The following RSRC1 variants were observed in gnomAD, a reference collection of about 807,000 sequenced individuals.
The protein encoded by RSRC1 is serine/Arginine-related protein 53.
In RSRC1, 39 loss-of-function variants were observed where a neutral mutation model predicts 49.1. That is an observed-to-expected ratio of 0.79 (90% CI 0.61 to 1.04). The LOEUF (loss-of-function observed/expected upper bound fraction) is 1.04, where lower values mean the gene tolerates loss of function less well. Among genes scored for constraint, RSRC1 ranks in the 50% least tolerant of loss-of-function variants. The probability of loss-of-function intolerance (pLI) is 0.00; values close to 1 mark genes in which losing one functional copy is unlikely to be tolerated. For synonymous variants in RSRC1, 143 were observed against 130.8 expected (o/e 1.09, Z -0.63); for missense variants, 388 against 402.4 (o/e 0.96, Z 0.31).
At chr3:158,513,987 C>T (rs570445427) in intron 7 of RSRC1, among the ~76,000 whole-genome samples, 25 of 152,026 alleles carry the variant, frequency 1.6e-4, no homozygotes, top group South Asian at 4.2e-4. Context: ...TTTTTTATTG[C>T]GTCTATTTGA....
In RSRC1 at chr3:158,522,596, G is replaced by A. The variant is rs150475084; in HGVS notation, c.653-14496G>A. 5.3e-4 allele frequency among the ~76,000 whole-genome samples: 80 copies of A among 152,236 alleles called. No homozygotes were observed. In the East Asian group the frequency reaches 7.7e-3, roughly 15 times the overall value. On this transcript the variant is annotated intron_variant, in intron 7 of 9. Transcript: ENST00000611884. ...GAGGATAAAGTAGCGTCAAAATGACGACCAAATGGAAAGGAGATTATAATT... is the reference window on the plus strand; with the variant it reads ...GAGGATAAAGTAGCGTCAAAATGACAACCAAATGGAAAGGAGATTATAATT...
At chr3:158,328,959 C>G (rs1729369558) in intron 5 of RSRC1, among the ~76,000 whole-genome samples, 1 of 152,158 alleles carries the variant, frequency 6.6e-6, no homozygotes, top group Non-Finnish European at 1.5e-5. Flanking sequence ...TTTCTCTAAG[C>G]TTCTCTTCTC....
At position 158,518,331 on chromosome 3, in the gene RSRC1, A is replaced by T. The variant is rs530721016; in HGVS notation, c.653-18761A>T. ...AAATTATTTTTTCCTTGAACGTTTG[A>T]TAGAACTTTTCTGTAAATCTTCTGA... On this transcript the variant is annotated intron_variant, in intron 7 of 9. Transcript: ENST00000611884. Among the ~76,000 whole-genome samples, 17 of 149,916 alleles carry T rather than the reference A, an allele frequency of 1.1e-4. No individual in the cohort carries two copies. In the East Asian group the frequency reaches 3.3e-3, roughly 29 times the overall value.
intron 6 of RSRC1, among the ~76,000 whole-genome samples, chr3:158,399,824 T>C (rs1403490688): frequency 1.3e-5 from 2 of 152,120 alleles, no homozygotes; most frequent in Non-Finnish European, 2.9e-5. Context: ...AAAATGGAAG[T>C]AAAGGTAGAC....
chr3:158,242,717 G>T (rs1333073492), intron 4 of RSRC1, among the ~76,000 whole-genome samples: 2 of 149,626 alleles, frequency 1.3e-5, no homozygotes, highest in Non-Finnish European at 3.0e-5. Context: ...TTCTGTTTTT[G>T]TTTTTTTTTC....
intron 4 of RSRC1, among the ~76,000 whole-genome samples, chr3:158,285,668 T>G (rs1726491965): frequency 6.6e-6 from 1 of 152,046 alleles, no homozygotes; most frequent in Non-Finnish European, 1.5e-5. Flanking sequence ...TGAATGGGAG[T>G]TCACTCATGA....
At chr3:158,349,855 G>A (rs1433978736) in intron 5 of RSRC1, among the ~76,000 whole-genome samples, 1 of 151,494 alleles carries the variant, frequency 6.6e-6, no homozygotes, top group East Asian at 2.0e-4. Flanking sequence ...GTGCCACCAG[G>A]CCCAGCTAAT....
chr3:158,232,708 T>C (rs1437048232), intron 4 of RSRC1, among the ~76,000 whole-genome samples: 2 of 152,102 alleles, frequency 1.3e-5, no homozygotes, highest in Non-Finnish European at 2.9e-5. Context: ...GGCATAATTT[T>C]AGATAATCTT....
rs1025175784 is a variant in RSRC1 at position 158,188,201 on chromosome 3, A to T, written c.321-14871A>T. The stretch of plus-strand genomic sequence containing the variant: ...TGGGAACTCTTTCTCCCCCTGTGTG[A>T]TATTTAGGAATTTTTCTGTTTTCCA... On this transcript the variant is annotated intron_variant, in intron 3 of 9. Coordinates refer to ENST00000611884, the MANE Select transcript of RSRC1 (RefSeq NM_001271838.2). Among the ~76,000 whole-genome samples, 4 of 151,662 alleles carry T rather than the reference A, an allele frequency of 2.6e-5. No individual in the cohort carries two copies. The East Asian group carries it at 7.7e-4, about 29-fold the overall frequency.
intron 3 of RSRC1, among the ~76,000 whole-genome samples, chr3:158,126,346 A>G (rs1309659782): frequency 1.3e-5 from 2 of 151,520 alleles, no homozygotes; most frequent in Non-Finnish European, 3.0e-5. Context: ...TTGACATGCT[A>G]TGATTTTTTT....
intron 6 of RSRC1, among the ~76,000 whole-genome samples, chr3:158,387,063 C>G (rs935683454): frequency 3.3e-5 from 5 of 151,784 alleles, no homozygotes; most frequent in Non-Finnish European, 5.9e-5. Context: ...TTCTTTGTGA[C>G]ATTTTCATTA....
intron 6 of RSRC1, among the ~76,000 whole-genome samples, chr3:158,417,740 A>G (rs1734822716): frequency 6.6e-6 from 1 of 151,118 alleles, no homozygotes; most frequent in Admixed American, 6.6e-5. Context: ...AGATTTATTA[A>G]TCAGTTCTTA....
chr3:158,445,094 G>A (rs1332629096), intron 6 of RSRC1, among the ~76,000 whole-genome samples: 3 of 152,176 alleles, frequency 2.0e-5, no homozygotes, highest in African/African-American at 7.2e-5. Context: ...AAGACAGTGT[G>A]GCGATTCCTC....
At chr3:158,544,090 G>A in intron 9 of RSRC1, 93 bp from the exon 10 acceptor site, 1 of 797,560 alleles carries the variant, frequency 1.3e-6, no homozygotes, top group East Asian at 2.5e-5. Flanking sequence ...TGTGTTGAGA[G>A]ATATATTCTA....
At chr3:158,530,383 A>T (rs1712312824) in intron 7 of RSRC1, among the ~76,000 whole-genome samples, 1 of 151,698 alleles carries the variant, frequency 6.6e-6, no homozygotes, top group Non-Finnish European at 1.5e-5. Context: ...CATGTCAGAG[A>T]GTTCTTCTCT....
In RSRC1 at chr3:158,354,891, T is replaced by C; in HGVS notation, c.566T>C (p.Leu189Pro). The C allele has an allele frequency of 6.5e-7, 1 of 1,547,950 alleles. No homozygotes were observed. Among genetic ancestry groups the C allele is most frequent in the Non-Finnish European group, 8.7e-7 (1 of 1,151,208 alleles). Residue 189 changes from leucine (L) to proline (P), a missense_variant, in exon 6 of 10, where the codon CTG becomes CCG. Leu to Pro is a moderately conservative substitution (Grantham distance 98). Transcript: ENST00000611884. ...GAACAGGCCAAAGCCAGACTACAGC[T>C]GGTTCTTGAAGCTGCTGGTAAGTGT... The part of the protein sequence containing the change: ...PAEQAKARLQ[L>P]VLEAAAKADE...
intron 6 of RSRC1, among the ~76,000 whole-genome samples, chr3:158,443,378 C>A (rs1378802731): frequency 6.6e-6 from 1 of 152,058 alleles, no homozygotes; most frequent in Non-Finnish European, 1.5e-5. Context: ...TTGCAGCAGC[C>A]TTTCCATCAG....
intron 4 of RSRC1, among the ~76,000 whole-genome samples, chr3:158,237,523 T>A (rs1484990883): frequency 6.6e-6 from 1 of 152,372 alleles, no homozygotes; most frequent in Admixed American, 6.5e-5. Context: ...GAATTCCAAC[T>A]ATTCTAATGG....
chr3:158,483,814 G>A (rs942122058), intron 7 of RSRC1, among the ~76,000 whole-genome samples: 2 of 151,846 alleles, frequency 1.3e-5, no homozygotes, highest in Non-Finnish European at 2.9e-5. Context: ...TTATATATTG[G>A]TATAATGTTG....
Sources: allele counts gnomAD v4.1 joint callset (sites outside exome capture counted in the v4.1 genomes callset), GRCh38; gene constraint gnomAD v4.1.1; transcripts MANE v1.5; gene names NCBI Gene and HGNC (gene_info 2026-07-23, HGNC 2026-07-21).